ZNF611: variants seen among roughly 807,000 people sequenced by gnomAD.
ZNF611 encodes the protein zinc finger protein 611.
In ZNF611, 6 loss-of-function variants were observed where a neutral mutation model predicts 8.9. The ratio of observed to expected loss-of-function variants is 0.68; its 90% confidence interval spans 0.37 to 1.34. The LOEUF is 1.34. Among genes scored for constraint, ZNF611 ranks in the 40% most tolerant of loss-of-function variants. ZNF611 has a pLI of 0.02. For missense variants in ZNF611, 874 were observed against 841.3 expected, an observed-to-expected ratio of 1.04 and a Z score of -0.48; for synonymous variants, 262 against 279.7, an observed-to-expected ratio of 0.94 and a Z score of 0.63.
chr19:52,718,888 T>C (rs967047730), intron 3 of ZNF611, among the ~76,000 whole-genome samples: 1 of 152,052 alleles, frequency 6.6e-6, no homozygotes, highest in Non-Finnish European at 1.5e-5. Context: ...AAGCAACTAA[T>C]GAGGCAAAGC....
intron 3 of ZNF611, among the ~76,000 whole-genome samples, chr19:52,728,120 G>C (rs1324268061): frequency 6.6e-6 from 1 of 151,964 alleles, no homozygotes; most frequent in Non-Finnish European, 1.5e-5. Flanking sequence ...TGTTGGTCAG[G>C]TGGTCTTGAA....
At chr19:52,717,190 C>T (rs2062323153) in intron 3 of ZNF611, among the ~76,000 whole-genome samples, 1 of 152,172 alleles carries the variant, frequency 6.6e-6, no homozygotes, top group African/African-American at 2.4e-5. Flanking sequence ...GTTGATGTCT[C>T]ATGTCTCCAT....
At position 52,730,391 on chromosome 19, in the gene ZNF611, CAAAAAAAAAAAAAA is replaced by C. The variant is rs1159350274; in HGVS notation, c.-221-400_-221-387del. 1.4e-4 allele frequency among the ~76,000 whole-genome samples: 10 copies of C among 73,560 alleles called. No homozygotes were observed. In the South Asian group the frequency reaches 2.5e-3, roughly 18 times the overall value. The allele number at this position is 73,560 out of a possible 152,430, so 48.3% of individuals were successfully genotyped here. A position where few individuals can be genotyped will look rare whatever the true frequency, so the allele number is the denominator to read the frequency against. Reference sequence around the variant, plus strand: ...TGGGCGACAGAGCCAGACTCCGTCTCAAAAAAAAAAAAAAAAAAAAAAAAAAAAAAAAACATGAT... The same window carrying C: ...TGGGCGACAGAGCCAGACTCCGTCTCAAAAAAAAAAAAAAAAAAACATGAT... On this transcript the variant is annotated intron_variant, in intron 1 of 5. Transcript: ENST00000652185.
chr19:52,704,200 C>G lies in ZNF611; in HGVS notation c.*737G>C, dbSNP rs1255454550. The stretch of plus-strand genomic sequence containing the variant: ...GAACTCAATGTTAAGTCAACACAAA[C>G]TCAAGTCAATGCTGAATTGACTCCA... On this transcript the variant is annotated 3_prime_UTR_variant, in exon 6 of 6. Coordinates refer to ENST00000652185, the MANE Select transcript of ZNF611 (RefSeq NM_001161499.2). The G allele has an allele frequency of 5.0e-6, 2 of 396,624 alleles. No individual in the cohort carries two copies. The highest frequency in any genetic ancestry group is 7.0e-5 in the Admixed American group (2 of 28,648). The allele number at this position is 396,624 out of a possible 1,614,324, so 24.6% of individuals were successfully genotyped here. A position where few individuals can be genotyped will look rare whatever the true frequency, so the allele number is the denominator to read the frequency against.
At chr19:52,719,724 T>C (rs997351075) in intron 3 of ZNF611, among the ~76,000 whole-genome samples, 4 of 152,190 alleles carry the variant, frequency 2.6e-5, no homozygotes, top group African/African-American at 7.2e-5. Flanking sequence ...GGACTTCTGC[T>C]CATTTTATGC....
intron 3 of ZNF611, among the ~76,000 whole-genome samples, chr19:52,725,427 T>C (rs1239014950): frequency 6.6e-6 from 1 of 151,922 alleles, no homozygotes; most frequent in African/African-American, 2.4e-5. Context: ...AGCGCACGGG[T>C]GAGGACTTTA....
rs144348675 is a variant in ZNF611, at chr19:52,712,030, C to G, written c.190+1985G>C. On this transcript the variant is annotated intron_variant, in intron 5 of 5. Transcript: ENST00000652185. Reference sequence around the variant, plus strand: ...TTTAGCAAATGGTAACATATTGACCCAAGGTTAAATATGCAAATTACAATA... The same window carrying G: ...TTTAGCAAATGGTAACATATTGACCGAAGGTTAAATATGCAAATTACAATA... 2.8e-3 allele frequency among the ~76,000 whole-genome samples: 418 copies of G among 151,914 alleles called. 2 individuals carry two copies. Among genetic ancestry groups the G allele is most frequent in the African/African-American group, 9.6e-3 (398 of 41,432 alleles).
At chr19:52,718,662 G>C (rs78023744) in intron 3 of ZNF611, among the ~76,000 whole-genome samples, 8,919 of 151,942 alleles carry the variant, frequency 0.059, 843 homozygotes, top group African/African-American at 0.2. Flanking sequence ...GCCGGCCATG[G>C]TGGTGCGTGC....
chr19:52,716,403 C>A (rs3972312), intron 3 of ZNF611, among the ~76,000 whole-genome samples: 90,467 of 152,076 alleles, frequency 0.59, 27,009 homozygotes, highest in Non-Finnish European at 0.62. Context: ...GCTCTATTTG[C>A]AAAATGCCTC....
In ZNF611 at chr19:52,705,340, C is replaced by A. The variant is rs1204170690; in HGVS notation, c.1715G>T (p.Ser572Ile). The A allele has an allele frequency of 3.1e-6, 5 of 1,613,924 alleles. No individual in the cohort carries two copies. Among genetic ancestry groups the A allele is most frequent in the African/African-American group, 1.3e-5 (1 of 74,870 alleles). Residue 572 changes from serine (S) to isoleucine (I), a missense_variant, in exon 6 of 6, where the codon AGC becomes ATC. Coordinates refer to ENST00000652185, the MANE Select transcript of ZNF611 (RefSeq NM_001161499.2). ...GTATGACCTGTGACTGAAGGTCTTG[C>A]TGCACTCATTACACTTGTAAGGTTT... ...GEKPYKCNEC[S>I]KTFSHRSYLV...
At chr19:52,713,809 T>A (rs2062296332) in intron 5 of ZNF611, among the ~76,000 whole-genome samples, 2 of 152,144 alleles carry the variant, frequency 1.3e-5, no homozygotes, top group African/African-American at 4.8e-5. Flanking sequence ...GAGAATCACT[T>A]GATCCTGAGG....
intron 3 of ZNF611, chr19:52,717,761 T>C (rs2062327392): frequency 1.1e-6 from 1 of 896,642 alleles, no homozygotes; most frequent in Admixed American, 6.2e-5. Context: ...GATCACCATT[T>C]TTTCAGATGA....
rs1233826187 is a variant in ZNF611, at chr19:52,706,100, C to T, written c.955G>A (p.Glu319Lys). Residue 319 changes from glutamate (E) to lysine (K), a missense_variant, in exon 6 of 6, where the codon GAG becomes AAG. Coordinates refer to ENST00000652185, the MANE Select transcript of ZNF611 (RefSeq NM_001161499.2). ...HTGVKRYNCN[E>K]CGKIFGQNSA... ...TTTTGACCAAAGATCTTGCCACACT[C>T]ATTACAATTGTAACGTTTTACTCCA... is the stretch of plus-strand genomic sequence containing the variant. The T allele has an allele frequency of 1.9e-6, 3 of 1,614,048 alleles. No homozygotes were observed. The highest frequency in any genetic ancestry group is 2.2e-5 in the East Asian group (1 of 44,854).
chr19:52,733,600 T>C (rs1341185224), intron 1 of ZNF611, among the ~76,000 whole-genome samples: 3 of 152,094 alleles, frequency 2.0e-5, no homozygotes, highest in Non-Finnish European at 4.4e-5. Context: ...TGAGCCACTG[T>C]GTCCAGACCC....
chr19:52,706,858 G>A lies in ZNF611; in HGVS notation c.197C>T (p.Ser66Phe). Reference protein sequence around the residue: ...NYRNLEAVDISSKCMMKEVLS... With the variant: ...NYRNLEAVDIFSKCMMKEVLS... ...GACCTCCTTCATCATGCATTTGGAA[G>A]AGATATCTACAAAATATAAACACCA... is the stretch of plus-strand genomic sequence containing the variant. The change falls in exon 6 of 6, where the codon TCT (serine) becomes TTT (phenylalanine). Residue 66 changes from serine to phenylalanine, a missense_variant. Ser to Phe is a radical substitution (Grantham distance 155). Transcript: ENST00000652185. 1 of 1,608,562 alleles carries A rather than the reference G, an allele frequency of 6.2e-7. No individual in the cohort carries two copies. Among genetic ancestry groups the A allele is most frequent in the South Asian group, 1.1e-5 (1 of 90,056 alleles).
chr19:52,728,270 G>A (rs2062404634), intron 3 of ZNF611, among the ~76,000 whole-genome samples: 1 of 152,146 alleles, frequency 6.6e-6, no homozygotes, highest in Non-Finnish European at 1.5e-5. Context: ...CGGGCGTGGT[G>A]GGTCACGCCT....
chr19:52,706,987 T>C (rs959657406), intron 5 of ZNF611, 123 bp from the exon 6 acceptor site: 6 of 1,454,310 alleles, frequency 4.1e-6, no homozygotes, highest in Non-Finnish European at 5.5e-6. Context: ...TCTTCAAAGT[T>C]TAGGAAAACG....
chr19:52,703,961 T>C lies in ZNF611; in HGVS notation c.*976A>G. 5.6e-6 allele frequency: 1 copy of C among 178,820 alleles called. No homozygotes were observed. The allele number at this position is 178,820 out of a possible 1,614,324, so 11.1% of individuals were successfully genotyped here. A position where few individuals can be genotyped will look rare whatever the true frequency, so the allele number is the denominator to read the frequency against. On this transcript the variant is annotated 3_prime_UTR_variant, in exon 6 of 6. Coordinates refer to ENST00000652185, the MANE Select transcript of ZNF611 (RefSeq NM_001161499.2). The stretch of plus-strand genomic sequence containing the variant: ...TACTAACTGAAAAAAGTACTATCTC[T>C]TTAAAAAGTACTGGCTCAAAAAAAT...
Position 52,730,017 on chromosome 19 carries a change from A to C in ZNF611, c.-221-12T>G, listed in dbSNP as rs1472219233. On this transcript the variant is annotated splice_polypyrimidine_tract_variant and intron_variant, in intron 1 of 5. Transcript: ENST00000652185. ...CGTTATCTAGTCAACTGTGCAAAAA[A>C]TATAGAAAGTGTACTGGGAAAATTT... 1 of 152,216 alleles carries C rather than the reference A, an allele frequency of 6.6e-6. No individual in the cohort carries two copies. Among genetic ancestry groups the C allele is most frequent in the Admixed American group, 6.5e-5 (1 of 15,278 alleles). 9.4% of individuals were successfully genotyped at this position (152,216 alleles called of 1,614,324 possible).
Sources: allele counts gnomAD v4.1 joint callset (sites outside exome capture counted in the v4.1 genomes callset), GRCh38; gene constraint gnomAD v4.1.1; transcripts MANE v1.5; gene names NCBI Gene and HGNC (gene_info 2026-07-23, HGNC 2026-07-21).